The following PXYLP1 variants were observed in gnomAD, a reference collection of about 807,000 sequenced individuals.
The protein encoded by PXYLP1 is acid phosphatase-like 2.
Under a neutral mutation model 37.9 loss-of-function variants are expected in PXYLP1, and 17 were observed. That is an observed-to-expected ratio of 0.45 (90% CI 0.31 to 0.67). The LOEUF (loss-of-function observed/expected upper bound fraction) is 0.67. Among genes scored for constraint, PXYLP1 ranks in the 30% least tolerant of loss-of-function variants. PXYLP1 has a pLI of 0.07. For synonymous variants in PXYLP1, 221 were observed against 232.2 expected (o/e 0.95, Z 0.44); for missense variants, 511 against 612.0 (o/e 0.84, Z 1.74).
intron 2 of PXYLP1, among the ~76,000 whole-genome samples, chr3:141,270,411 C>A (rs1171259848): frequency 6.6e-6 from 1 of 152,178 alleles, no homozygotes; most frequent in African/African-American, 2.4e-5. Flanking sequence ...ACTGTGGACT[C>A]TTCGTTGTGG....
In PXYLP1 at chr3:141,238,673, CTT is replaced by C. The variant is rs1199551314; in HGVS notation, c.-54+6765_-54+6766del. 2.0e-5 allele frequency among the ~76,000 whole-genome samples: 3 copies of C among 150,896 alleles called. No individual in the cohort carries two copies. In the East Asian group the frequency reaches 5.9e-4, roughly 30 times the overall value. On this transcript the variant is annotated intron_variant, in intron 1 of 5. Coordinates refer to ENST00000286353, the MANE Select transcript of PXYLP1 (RefSeq NM_001037172.3). Reference sequence around the variant, plus strand: ...CCCACAGTTGAAAATCCAAGTATAACTTTTAAATCCCCAATATTGTAACTATA... The same window carrying C: ...CCCACAGTTGAAAATCCAAGTATAACTTAAATCCCCAATATTGTAACTATA...
chr3:141,282,854 C>T (rs1266588424), intron 4 of PXYLP1, among the ~76,000 whole-genome samples: 3 of 152,172 alleles, frequency 2.0e-5, no homozygotes, highest in Non-Finnish European at 4.4e-5. Flanking sequence ...GGTACCCCTC[C>T]CTGGAATTAG....
chr3:141,290,337 T>C (rs1322613565), intron 5 of PXYLP1, among the ~76,000 whole-genome samples: 1 of 152,204 alleles, frequency 6.6e-6, no homozygotes, highest in East Asian at 1.9e-4. Flanking sequence ...GACAGACCTG[T>C]AGCATGGGGA....
rs73869535 is a variant in PXYLP1, at chr3:141,241,042, A to G, written c.-54+9131A>G. On this transcript the variant is annotated intron_variant, in intron 1 of 5. Transcript: ENST00000286353. Reference sequence around the variant, plus strand: ...GTTTTCAAGTGCCCCTGCCCACTCAACCTTCCAAAGCTTCTCTTCCTCTCC... The same window carrying G: ...GTTTTCAAGTGCCCCTGCCCACTCAGCCTTCCAAAGCTTCTCTTCCTCTCC... Among the ~76,000 whole-genome samples, 595 of 152,160 alleles carry G rather than the reference A, an allele frequency of 3.9e-3. 5 individuals carry two copies. The highest frequency in any genetic ancestry group is 0.014 in the African/African-American group (573 of 41,492).
rs141898185 is a variant in PXYLP1 at position 141,253,393 on chromosome 3, T to G, written c.-53-6730T>G. Among the ~76,000 whole-genome samples the G allele has an allele frequency of 3.5e-3, 539 of 152,294 alleles. 2 individuals carry two copies. Among genetic ancestry groups the G allele is most frequent in the Non-Finnish European group, 5.3e-3 (362 of 68,012 alleles). On this transcript the variant is annotated intron_variant, in intron 1 of 5. Coordinates refer to ENST00000286353, the MANE Select transcript of PXYLP1 (RefSeq NM_001037172.3). ...CCTGCATGTATCAGTGTTGGATGTATCATCCCCCTCTCTGGCTCCTTTCAC... is the reference window on the plus strand; with the variant it reads ...CCTGCATGTATCAGTGTTGGATGTAGCATCCCCCTCTCTGGCTCCTTTCAC...
chr3:141,291,634 C>G (rs1379031105), intron 5 of PXYLP1: 1 of 152,436 alleles, frequency 6.6e-6, no homozygotes, highest in African/African-American at 2.4e-5. Flanking sequence ...TTCCAGTATT[C>G]TATCTGGGTA....
chr3:141,292,548 C>A lies in PXYLP1; in HGVS notation c.786C>A (p.Tyr262Ter), dbSNP rs1382816160. ...TGGAAAAGGAGCAGCGTCGTCAGTA[C>A]CTCCTACGTTTGAAAAACAGCCAGC... ...QYLEKEQRRQYLLRLKNSQLE... is the reference protein window; with the variant it reads ...QYLEKEQRRQ Residue 262 changes from tyrosine (Y) to a stop codon, truncating the protein, a stop_gained, in exon 6 of 6, where the codon TAC becomes TAA. Coordinates refer to ENST00000286353, the MANE Select transcript of PXYLP1 (RefSeq NM_001037172.3). LOFTEE classifies it high-confidence loss of function. The surrounding 1 kb of genome is among the most constrained non-coding windows in gnomAD (Gnocchi z 4.3). The A allele has an allele frequency of 6.2e-7, 1 of 1,614,166 alleles. No homozygotes were observed. The highest frequency in any genetic ancestry group is 1.6e-4 in the Middle Eastern group (1 of 6,062).
At chr3:141,286,315 C>CT (rs1216846642) in intron 4 of PXYLP1, among the ~76,000 whole-genome samples, 1 of 152,154 alleles carries the variant, frequency 6.6e-6, no homozygotes, top group Non-Finnish European at 1.5e-5. Flanking sequence ...CATATATAAA[C>CT]TTTTTTTGAC....
chr3:141,279,959 G>A (rs1003041822), intron 4 of PXYLP1, among the ~76,000 whole-genome samples: 5 of 152,178 alleles, frequency 3.3e-5, no homozygotes, highest in South Asian at 4.1e-4. Context: ...ACAAATGCAC[G>A]TTAGCAATTG....
chr3:141,274,283 C>G (rs989859033), intron 2 of PXYLP1: 181 of 1,333,880 alleles, frequency 1.4e-4, no homozygotes, highest in Non-Finnish European at 1.6e-4. Flanking sequence ...CTCCTCCAGG[C>G]CCCTTCCCAG....
intron 2 of PXYLP1, among the ~76,000 whole-genome samples, chr3:141,261,765 A>G (rs1170729936): frequency 1.3e-5 from 2 of 152,226 alleles, no homozygotes; most frequent in Admixed American, 6.5e-5. Flanking sequence ...CCTAGCACGT[A>G]GTAATATTTT....
At chr3:141,253,751 T>G (rs954189660) in intron 1 of PXYLP1, among the ~76,000 whole-genome samples, 2 of 151,034 alleles carry the variant, frequency 1.3e-5, no homozygotes, top group Non-Finnish European at 2.9e-5. Context: ...GAGCAGATAA[T>G]GAACCCTCAA....
chr3:141,256,062 A>G (rs928245239), intron 1 of PXYLP1, among the ~76,000 whole-genome samples: 36 of 152,326 alleles, frequency 2.4e-4, no homozygotes, highest in African/African-American at 7.5e-4. Flanking sequence ...GGGAGGGGCC[A>G]GTGGCCAGGA....
intron 1 of PXYLP1, among the ~76,000 whole-genome samples, chr3:141,246,597 G>A (rs1185939614): frequency 1.3e-5 from 2 of 152,164 alleles, no homozygotes; most frequent in Admixed American, 6.5e-5. Context: ...TGGCTGTAGT[G>A]AGTCCTCCAT....
At chr3:141,265,583 A>T (rs1035848498) in intron 2 of PXYLP1, among the ~76,000 whole-genome samples, 1 of 152,114 alleles carries the variant, frequency 6.6e-6, no homozygotes, top group African/African-American at 2.4e-5. Context: ...TGAAAGGAAG[A>T]AGCAAAGCCA....
chr3:141,284,094 G>T (rs1053450448), intron 4 of PXYLP1, among the ~76,000 whole-genome samples: 2 of 152,074 alleles, frequency 1.3e-5, no homozygotes, highest in African/African-American at 4.8e-5. Context: ...CACCTATTTT[G>T]TAAGTTTATT....
At chr3:141,267,888 TCTCTCCCA>T (rs951424882) in intron 2 of PXYLP1, among the ~76,000 whole-genome samples, 75 of 150,238 alleles carry the variant, frequency 5.0e-4, no homozygotes, top group East Asian at 2.6e-3. Flanking sequence ...CCTCTCTCCC[TCTCTCCCA>T]CCTTCCCTTT....
chr3:141,244,969 GACTA>G (rs777388639), intron 1 of PXYLP1, among the ~76,000 whole-genome samples: 17 of 150,052 alleles, frequency 1.1e-4, no homozygotes, highest in Non-Finnish European at 1.9e-4. Flanking sequence ...ATCCCCCTGA[GACTA>G]ACTAACATTC....
At chr3:141,287,532 CG>C in intron 5 of PXYLP1, 79 bp downstream of exon 5, 7 of 1,544,882 alleles carry the variant, frequency 4.5e-6, no homozygotes, top group Non-Finnish European at 4.4e-6. Flanking sequence ...TTCTCCTGGG[CG>C]GGGTGCTGTG....
Sources: gnomAD v4.1 joint callset for allele counts (sites outside exome capture counted in the v4.1 genomes callset) on GRCh38, gnomAD v4.1.1 for gene constraint, Gnocchi (gnomAD v3.1) non-coding constraint, MANE v1.5 for transcripts, NCBI Gene and HGNC (gene_info 2026-07-23, HGNC 2026-07-21) for gene names.